NUFIP1: variants seen among roughly 807,000 people sequenced by gnomAD.
The protein encoded by NUFIP1 is nuclear FMR1 interacting protein 1.
A neutral mutation model predicts 56.2 loss-of-function variants in NUFIP1; 38 were observed. The ratio of observed to expected loss-of-function variants is 0.68; its 90% CI spans 0.52 to 0.89. The LOEUF (loss-of-function observed/expected upper bound fraction) is 0.89. Ranked by LOEUF, NUFIP1 falls within the 40% of genes least tolerant of loss-of-function variation. NUFIP1 has a pLI of 0.00. For synonymous variants in NUFIP1, 215 were observed against 212.4 expected, an observed-to-expected ratio of 1.01 and a Z score of -0.10; for missense variants, 567 against 605.8, an observed-to-expected ratio of 0.94 and a Z score of 0.67.
chr13:44,957,009 C>T (rs1871269242), intron 7 of NUFIP1, among the ~76,000 whole-genome samples: 1 of 152,062 alleles, frequency 6.6e-6, no homozygotes, highest in Admixed American at 6.5e-5. Flanking sequence ...TTGTGATTTC[C>T]TTGGTTATAA....
chr13:44,966,209 C>A (rs1871595133), intron 5 of NUFIP1, among the ~76,000 whole-genome samples: 1 of 152,166 alleles, frequency 6.6e-6, no homozygotes. Context: ...ATACAATGTG[C>A]TCAAACTGAT....
intron 5 of NUFIP1, among the ~76,000 whole-genome samples, chr13:44,971,000 T>C (rs1418886301): frequency 2.0e-5 from 3 of 152,164 alleles, no homozygotes; most frequent in Non-Finnish European, 4.4e-5. Context: ...AAAAAATTGC[T>C]AGTGGGGATA....
intron 5 of NUFIP1, among the ~76,000 whole-genome samples, chr13:44,969,528 TCA>T (rs962271921): frequency 2.6e-5 from 4 of 152,240 alleles, no homozygotes; most frequent in Admixed American, 2.0e-4. Flanking sequence ...AGGGAAATTT[TCA>T]CAGTTGGTTT....
intron 1 of NUFIP1, among the ~76,000 whole-genome samples, chr13:44,985,752 C>G (rs999432996): frequency 1.3e-5 from 2 of 152,144 alleles, no homozygotes; most frequent in South Asian, 4.1e-4. Flanking sequence ...TCCCTCTCCT[C>G]AGGCCTCCCT....
rs1348155803 is a variant in NUFIP1, at chr13:44,988,733, A to T, written c.412+292T>A. ...TCTAGTCAGACATATTTTGAGAACA[A>T]AGGATTTACAATATTATATAAACTT... On this transcript the variant is annotated intron_variant, in intron 1 of 9. Coordinates refer to ENST00000379161, the MANE Select transcript of NUFIP1 (RefSeq NM_012345.3). Among the ~76,000 whole-genome samples the T allele has an allele frequency of 2.0e-5, 3 of 152,214 alleles. No individual in the cohort carries two copies. In the East Asian group the frequency reaches 5.8e-4, roughly 29 times the overall value.
intron 6 of NUFIP1, among the ~76,000 whole-genome samples, chr13:44,964,588 T>G (rs532766468): frequency 6.6e-6 from 1 of 152,154 alleles, no homozygotes; most frequent in Non-Finnish European, 1.5e-5. Context: ...ATCTAGAGCT[T>G]CAGGATGTAC....
intron 1 of NUFIP1, among the ~76,000 whole-genome samples, chr13:44,984,549 G>C (rs762041368): frequency 6.6e-6 from 1 of 152,184 alleles, no homozygotes; most frequent in Admixed American, 6.5e-5. Context: ...GGCTGAGGCA[G>C]AAGGATCCCT....
intron 8 of NUFIP1, among the ~76,000 whole-genome samples, chr13:44,945,282 A>G (rs1438060327): frequency 1.3e-5 from 2 of 151,980 alleles, no homozygotes; most frequent in African/African-American, 4.8e-5. Context: ...CTTTTGAAAA[A>G]CACAAATCAT....
At chr13:44,975,658 T>C (rs1029125601) in intron 5 of NUFIP1, among the ~76,000 whole-genome samples, 2 of 152,210 alleles carry the variant, frequency 1.3e-5, no homozygotes, top group African/African-American at 4.8e-5. Flanking sequence ...TCCTTATCTT[T>C]TCCTAGTTAG....
chr13:44,987,814 G>A (rs1872461382), intron 1 of NUFIP1, among the ~76,000 whole-genome samples: 1 of 152,134 alleles, frequency 6.6e-6, no homozygotes, highest in South Asian at 2.1e-4. Flanking sequence ...CTCTTAAAAC[G>A]TAAATCAGGT....
chr13:44,973,568 A>C (rs924866103), intron 5 of NUFIP1, among the ~76,000 whole-genome samples: 1 of 152,232 alleles, frequency 6.6e-6, no homozygotes, highest in African/African-American at 2.4e-5. Context: ...GCAGCCAGGT[A>C]AAAGTTGGTT....
At chr13:44,980,691 C>A in intron 3 of NUFIP1, 31 bp downstream of exon 3, 5 of 1,360,496 alleles carry the variant, frequency 3.7e-6, no homozygotes, top group Non-Finnish European at 4.1e-6. Flanking sequence ...ACAATTGCTA[C>A]ATCAGTTTCA....
chr13:44,950,085 T>C (rs1362616999), intron 7 of NUFIP1, among the ~76,000 whole-genome samples: 2 of 152,216 alleles, frequency 1.3e-5, no homozygotes, highest in Non-Finnish European at 2.9e-5. Context: ...TTACTTAGCA[T>C]GCTTCACAGG....
intron 5 of NUFIP1, among the ~76,000 whole-genome samples, chr13:44,978,901 T>C (rs902159905): frequency 4.6e-5 from 7 of 152,188 alleles, no homozygotes; most frequent in Non-Finnish European, 8.8e-5. Context: ...ATACACTTTT[T>C]GGTAAGAGTA....
At chr13:44,956,387 G>C (rs189284166) in intron 7 of NUFIP1, among the ~76,000 whole-genome samples, 1 of 152,226 alleles carries the variant, frequency 6.6e-6, no homozygotes, top group Non-Finnish European at 1.5e-5. Flanking sequence ...TTTTGTGGAA[G>C]ACAATTTTTC....
At chr13:44,969,867 T>C (rs1172862400) in intron 5 of NUFIP1, among the ~76,000 whole-genome samples, 2 of 152,216 alleles carry the variant, frequency 1.3e-5, no homozygotes, top group Non-Finnish European at 2.9e-5. Context: ...AAAACATAGT[T>C]ACTCTTCCCA....
intron 6 of NUFIP1, among the ~76,000 whole-genome samples, chr13:44,965,083 C>A (rs913367835): frequency 2.0e-5 from 3 of 152,114 alleles, no homozygotes; most frequent in Non-Finnish European, 4.4e-5. Flanking sequence ...ATGGGAGGAA[C>A]CAGGTGGGAG....
At chr13:44,959,747 G>C (rs1284958491) in intron 6 of NUFIP1, among the ~76,000 whole-genome samples, 173 bp from the exon 7 acceptor site, 1 of 151,960 alleles carries the variant, frequency 6.6e-6, no homozygotes, top group African/African-American at 2.4e-5. Flanking sequence ...AGACAGGGAA[G>C]CCTATGATAG....
At chr13:44,986,378 A>C (rs1872391478) in intron 1 of NUFIP1, among the ~76,000 whole-genome samples, 1 of 152,178 alleles carries the variant, frequency 6.6e-6, no homozygotes, top group African/African-American at 2.4e-5. Context: ...ATGTAGTAGA[A>C]ACTGCAAGAG....
Sources: allele counts gnomAD v4.1 joint callset (sites outside exome capture counted in the v4.1 genomes callset), GRCh38; gene constraint gnomAD v4.1.1; transcripts MANE v1.5; gene names NCBI Gene and HGNC (gene_info 2026-07-23, HGNC 2026-07-21).